The following CCDC122 variants were observed in gnomAD, a reference collection of about 807,000 sequenced individuals.
CCDC122 encodes the protein coiled-coil domain containing 122.
Under a neutral mutation model 37.0 loss-of-function variants are expected in CCDC122, and 38 were observed. The observed-to-expected ratio is 1.03, with a 90% CI of 0.79 to 1.35. The LOEUF (loss-of-function observed/expected upper bound fraction) is 1.35. Ranked by LOEUF, CCDC122 falls within the 40% of genes most tolerant of loss-of-function variation. The pLI is 0.00. For synonymous variants in CCDC122, 83 were observed against 95.6 expected (o/e 0.87, Z 0.77); for missense variants, 305 against 310.0 (o/e 0.98, Z 0.12).
chr13:43,833,022 C>T (rs145829353), downstream of CCDC122, among the ~76,000 whole-genome samples: 73 of 152,232 alleles, frequency 4.8e-4, no homozygotes, highest in African/African-American at 1.6e-3. Flanking sequence ...GGAAGACACA[C>T]AGTCTAACAG....
intron 6 of CCDC122, among the ~76,000 whole-genome samples, chr13:43,848,546 T>G (rs1006849359): frequency 5.3e-5 from 8 of 152,188 alleles, no homozygotes; most frequent in African/African-American, 1.9e-4. Flanking sequence ...AGCTTATCTT[T>G]TTTCTCCACT....
intron 6 of CCDC122, among the ~76,000 whole-genome samples, chr13:43,851,649 CA>C (rs1355220315): frequency 1.3e-5 from 2 of 152,200 alleles, no homozygotes; most frequent in South Asian, 2.1e-4. Context: ...CTGCTGCTGG[CA>C]TGCACAAACA....
intron 6 of CCDC122, chr13:43,855,201 C>T (rs1208696483): frequency 2.6e-5 from 4 of 152,212 alleles, no homozygotes; most frequent in South Asian, 2.1e-4. Flanking sequence ...TGTTTGCAGA[C>T]GACATGATGC....
At chr13:43,823,835 GCT>G (rs770331221), downstream of CCDC122, 31 of 152,358 alleles carry the variant, frequency 2.0e-4, 1 homozygote, top group East Asian at 2.9e-3. Flanking sequence ...TGGTAGTTTG[GCT>G]CTTCAAGACT....
chr13:43,848,492 C>T (rs918335919), intron 6 of CCDC122, among the ~76,000 whole-genome samples: 2 of 152,008 alleles, frequency 1.3e-5, no homozygotes, highest in African/African-American at 2.4e-5. Flanking sequence ...TTTGTGTTTG[C>T]CTGCCTTGTA....
Position 43,826,546 on chromosome 13 carries a change from A to G in CCDC122, n.602-2535T>C, listed in dbSNP as rs542639517. Among the ~76,000 whole-genome samples the G allele has an allele frequency of 2.0e-4, 30 of 152,286 alleles. No individual in the cohort carries two copies. The South Asian group carries it at 6.0e-3, about 30-fold the overall frequency. On this transcript the variant is annotated intron_variant and non_coding_transcript_variant, in intron 3 of 3. Transcript: ENST00000470137. Reference sequence around the variant, plus strand: ...TGGGAAACATCTTAATGAAAGCTCAAAACTCCCTTTGTACTAGAAAATTTG... The same window carrying G: ...TGGGAAACATCTTAATGAAAGCTCAGAACTCCCTTTGTACTAGAAAATTTG...
At chr13:43,863,054 T>A (rs919689690) in intron 4 of CCDC122, among the ~76,000 whole-genome samples, 2 of 152,090 alleles carry the variant, frequency 1.3e-5, no homozygotes, top group Non-Finnish European at 2.9e-5. Flanking sequence ...TAAATACATA[T>A]TCGAACTTTA....
chr13:43,861,036 G>C (rs1048848777), intron 4 of CCDC122, among the ~76,000 whole-genome samples: 3 of 152,172 alleles, frequency 2.0e-5, no homozygotes. Flanking sequence ...CATAAGCCTG[G>C]GAGAAGCAAG....
chr13:43,837,543 TATAA>T, intron 6 of CCDC122, 114 bp from the exon 7 acceptor site: 1 of 773,734 alleles, frequency 1.3e-6, no homozygotes. Flanking sequence ...AACTATCCAC[TATAA>T]ATAATTATGA....
chr13:43,837,747 C>CA (rs1233231291), intron 6 of CCDC122, among the ~76,000 whole-genome samples: 1 of 152,010 alleles, frequency 6.6e-6, no homozygotes, highest in East Asian at 1.9e-4. Flanking sequence ...TCATAGCTAG[C>CA]AAGTGATGGA....
At chr13:43,848,831 G>C in intron 6 of CCDC122, 1 of 932,052 alleles carries the variant, frequency 1.1e-6, no homozygotes, top group East Asian at 1.2e-4. Context: ...TGTAGTCCAG[G>C]CAAAAGATGA....
In CCDC122 at chr13:43,859,726, T is replaced by G; in HGVS notation, c.501A>C (p.Glu167Asp). 4 of 1,590,780 alleles carry G rather than the reference T, an allele frequency of 2.5e-6. No homozygotes were observed. The highest frequency in any genetic ancestry group is 3.4e-6 in the Non-Finnish European group (4 of 1,173,146). Residue 167 changes from glutamate (E) to aspartate (D), a missense_variant, in exon 5 of 7, where the codon GAA becomes GAC. By Grantham distance (45) the Glu-to-Asp change is conservative. Transcript: ENST00000444614. ...DFVKKLKTMK[E>D]ELMQDLQNPG... ...GATTTTGAAGATCTTGCATAAGTTC[T>G]TCTTTCATTGTCTTTAATTTTTTAA...
downstream of CCDC122, among the ~76,000 whole-genome samples, chr13:43,831,658 G>A (rs1953091168): frequency 6.6e-6 from 1 of 152,192 alleles, no homozygotes; most frequent in Admixed American, 6.5e-5. Flanking sequence ...AGTGAGTAAT[G>A]CTGGCAAATA....
chr13:43,823,397 C>T (rs562708623), downstream of CCDC122, among the ~76,000 whole-genome samples: 4 of 152,142 alleles, frequency 2.6e-5, no homozygotes, highest in Non-Finnish European at 5.9e-5. Flanking sequence ...GTGAGCTGCA[C>T]TGCCTGGGGT....
intron 6 of CCDC122, among the ~76,000 whole-genome samples, chr13:43,850,334 A>C (rs994082421): frequency 6.6e-6 from 1 of 152,210 alleles, no homozygotes. Flanking sequence ...AATCACAATC[A>C]ACATGCACCA....
At chr13:43,874,974 T>C (rs1019496999) in intron 1 of CCDC122, 47 bp from the exon 2 acceptor site, 1 of 152,194 alleles carries the variant, frequency 6.6e-6, no homozygotes, top group Admixed American at 6.5e-5. Context: ...CTTACCTCCT[T>C]ATCCAAGATA....
intron 6 of CCDC122, among the ~76,000 whole-genome samples, chr13:43,843,840 G>A (rs1953433360): frequency 6.6e-6 from 1 of 150,512 alleles, no homozygotes; most frequent in Admixed American, 6.6e-5. Flanking sequence ...TTTTTTCAAG[G>A]AATTTGTCTG....
At chr13:43,848,617 G>A (rs1566944664) in intron 6 of CCDC122, 1 of 158,404 alleles carries the variant, frequency 6.3e-6, no homozygotes, top group Non-Finnish European at 1.4e-5. Flanking sequence ...TGGGGGGAAG[G>A]ACATTTAGGG....
downstream of CCDC122, among the ~76,000 whole-genome samples, chr13:43,835,290 T>C (rs1953134780): frequency 6.6e-6 from 1 of 151,974 alleles, no homozygotes; most frequent in Non-Finnish European, 1.5e-5. Flanking sequence ...AAGGGGAACA[T>C]CACACACTGG....
Sources: gnomAD v4.1 joint callset for allele counts (sites outside exome capture counted in the v4.1 genomes callset) on GRCh38, gnomAD v4.1.1 for gene constraint, MANE v1.5 for transcripts, NCBI Gene and HGNC (gene_info 2026-07-23, HGNC 2026-07-21) for gene names.